VPS13C: variants seen among roughly 807,000 people sequenced by gnomAD.
VPS13C encodes vacuolar protein sorting 13 homolog C.
A neutral mutation model predicts 456.8 loss-of-function variants in VPS13C; 358 were observed. That is an observed-to-expected ratio of 0.78 (90% confidence interval 0.72 to 0.86). The LOEUF (loss-of-function observed/expected upper bound fraction) is 0.86. Among genes scored for constraint, VPS13C ranks in the 40% least tolerant of loss-of-function variants. The pLI, the probability that VPS13C is intolerant of heterozygous loss-of-function variation, is 0.00. For synonymous variants in VPS13C, 1,578 were observed against 1,486.7 expected (o/e 1.06, Z -1.41); for missense variants, 4,818 against 4,385.4 (o/e 1.10, Z -2.79).
chr15:61,918,517 T>G (rs986728494), intron 58 of VPS13C, among the ~76,000 whole-genome samples: 1 of 152,062 alleles, frequency 6.6e-6, no homozygotes, highest in African/African-American at 2.4e-5. Flanking sequence ...ATATTATCTT[T>G]CAAATATGTA....
Position 62,007,492 on chromosome 15 carries a change from T to C in VPS13C, c.1119-13A>G, listed in dbSNP as rs765200404. ...TGCATATTTCCACCTGAAAATCAAA[T>C]TTTGTTAACGTAAATGTTAATATAA... On this transcript the variant is annotated splice_polypyrimidine_tract_variant and intron_variant, in intron 14 of 84. Transcript: ENST00000644861. 5.2e-6 allele frequency: 8 copies of C among 1,553,052 alleles called. No individual in the cohort carries two copies. The South Asian group carries it at 1.0e-4, about 20-fold the overall frequency.
intron 66 of VPS13C, among the ~76,000 whole-genome samples, chr15:61,903,519 A>G (rs1191399093): frequency 1.3e-5 from 2 of 152,192 alleles, no homozygotes; most frequent in African/African-American, 4.8e-5. Context: ...ACCAAAAAAT[A>G]GAACGATATC....
At chr15:61,962,917 T>C (rs2045258976) in intron 32 of VPS13C, 65 bp from the exon 33 acceptor site, 3 of 1,126,386 alleles carry the variant, frequency 2.7e-6, no homozygotes, top group Admixed American at 5.1e-5. Context: ...TTTCTTTCCA[T>C]TACATTATTT....
intron 67 of VPS13C, among the ~76,000 whole-genome samples, chr15:61,884,912 C>A (rs962211123): frequency 2.6e-5 from 4 of 152,144 alleles, no homozygotes; most frequent in East Asian, 3.9e-4. Flanking sequence ...CTATTAAATT[C>A]TTCTCTTGAT....
chr15:61,866,140 G>C, intron 81 of VPS13C: 1 of 984,826 alleles, frequency 1.0e-6, no homozygotes, highest in Non-Finnish European at 1.2e-6. Context: ...AGCAAGATGG[G>C]CAAAGAATGA....
intron 1 of VPS13C, among the ~76,000 whole-genome samples, chr15:62,056,897 C>T (rs886275342): frequency 1.3e-5 from 2 of 152,212 alleles, no homozygotes; most frequent in African/African-American, 2.4e-5. Context: ...CCTGTGGACA[C>T]GTGACCCACG....
Position 61,918,052 on chromosome 15 carries a change from T to C in VPS13C, c.7760+84A>G, listed in dbSNP as rs868288209. 16 of 1,393,622 alleles carry C rather than the reference T, an allele frequency of 1.1e-5. No individual in the cohort carries two copies. In the Middle Eastern group the frequency reaches 2.7e-3, roughly 236 times the overall value. 86.3% of individuals were successfully genotyped at this position (1,393,622 alleles called of 1,614,324 possible). ...AAAACTGGCTTTTACTGATCTTTAG[T>C]TAATAAAAATATGAAGTTATTTGCC... On this transcript the variant is annotated intron_variant, in intron 59 of 84. Coordinates refer to ENST00000644861, the MANE Select transcript of VPS13C (RefSeq NM_020821.3).
At chr15:61,938,618 G>A (rs962133462) in intron 47 of VPS13C, among the ~76,000 whole-genome samples, 7 of 152,176 alleles carry the variant, frequency 4.6e-5, no homozygotes, top group African/African-American at 1.7e-4. Context: ...TGATGCTAAA[G>A]TATCAGATGT....
intron 63 of VPS13C, 23 bp downstream of exon 63, chr15:61,911,817 G>T (rs1208670916): frequency 6.4e-7 from 1 of 1,561,512 alleles, no homozygotes; most frequent in East Asian, 2.3e-5. Context: ...TTAGGAATCA[G>T]TTGTAACAAA....
chr15:61,929,452 C>T, intron 51 of VPS13C, 49 bp downstream of exon 51: 2 of 1,546,822 alleles, frequency 1.3e-6, no homozygotes, highest in South Asian at 1.2e-5. Flanking sequence ...GTTTGTAATT[C>T]TTGTCAAAAT....
At chr15:62,040,863 C>T (rs2048218759) in intron 3 of VPS13C, among the ~76,000 whole-genome samples, 1 of 152,078 alleles carries the variant, frequency 6.6e-6, no homozygotes, top group Non-Finnish European at 1.5e-5. Context: ...AGTTTAACTG[C>T]AGAGAGACTT....
At chr15:61,994,076 C>A (rs1466944970) in intron 16 of VPS13C, among the ~76,000 whole-genome samples, 2 of 152,256 alleles carry the variant, frequency 1.3e-5, no homozygotes, top group Non-Finnish European at 1.5e-5. Flanking sequence ...GCCTTCACTT[C>A]CTTCTCTGTC....
At chr15:61,963,731 A>T in intron 32 of VPS13C, 104 bp downstream of exon 32, 1 of 799,676 alleles carries the variant, frequency 1.3e-6, no homozygotes, top group Non-Finnish European at 2.1e-6. Flanking sequence ...TTCAGGTTTC[A>T]CAGCTTAGAG....
intron 35 of VPS13C, 137 bp downstream of exon 35, chr15:61,961,452 A>G: frequency 1.3e-6 from 1 of 779,452 alleles, no homozygotes; most frequent in Non-Finnish European, 2.0e-6. Context: ...CAAAACAATG[A>G]CAACAATAAA....
chr15:61,973,268 C>T (rs1380021465), intron 26 of VPS13C, among the ~76,000 whole-genome samples, 186 bp downstream of exon 26: 1 of 152,024 alleles, frequency 6.6e-6, no homozygotes, highest in Non-Finnish European at 1.5e-5. Context: ...ATTTGTCCAA[C>T]GAAGACAGAA....
At chr15:61,904,824 T>G (rs553437130) in intron 66 of VPS13C, among the ~76,000 whole-genome samples, 1 of 152,068 alleles carries the variant, frequency 6.6e-6, no homozygotes, top group African/African-American at 2.4e-5. Context: ...ATCCTGTCAT[T>G]TGCAGCAATA....
intron 48 of VPS13C, chr15:61,935,611 T>C (rs2044202172): frequency 6.6e-6 from 1 of 152,222 alleles, no homozygotes; most frequent in South Asian, 2.1e-4. Context: ...ATAGTTCCTG[T>C]CTAACTATAA....
intron 13 of VPS13C, 120 bp downstream of exon 13, chr15:62,010,352 G>C: frequency 3.5e-6 from 4 of 1,128,846 alleles, no homozygotes; most frequent in Non-Finnish European, 3.5e-6. Context: ...TTTTTAAACA[G>C]TCAAATCTCA....
chr15:61,922,795 TA>T, intron 53 of VPS13C, 33 bp from the exon 54 acceptor site: 1 of 1,508,898 alleles, frequency 6.6e-7, no homozygotes, highest in Non-Finnish European at 8.8e-7. Flanking sequence ...ATATTTATAA[TA>T]AATTCTTTCC....
Sources: gnomAD v4.1 joint callset for allele counts (sites outside exome capture counted in the v4.1 genomes callset) on GRCh38, gnomAD v4.1.1 for gene constraint, MANE v1.5 for transcripts, NCBI Gene and HGNC (gene_info 2026-07-23, HGNC 2026-07-21) for gene names.